The following PCDHA6 variants were observed in gnomAD, a reference collection of about 807,000 sequenced individuals.
PCDHA6 encodes the protein protocadherin alpha-6.
PCDHA6 carries 55 observed loss-of-function variants against 60.3 expected under a neutral mutation model. That is an observed-to-expected ratio of 0.91 (90% CI 0.73 to 1.14). The LOEUF is 1.14. Ranked by LOEUF, PCDHA6 falls within the 50% of genes most tolerant of loss-of-function variation. The pLI, the probability that PCDHA6 is intolerant of heterozygous loss-of-function variation, is 0.00. For missense variants in PCDHA6, 1,327 were observed against 1,256.5 expected (o/e 1.06, Z -0.85); for synonymous variants, 652 against 557.9 (o/e 1.17, Z -2.38).
At position 140,836,487 on chromosome 5, in the gene PCDHA6, A is replaced by G. The variant is rs1774512813; in HGVS notation, c.2394+6002A>G. On this transcript the variant is annotated intron_variant, in intron 1 of 3. Transcript: ENST00000529310. The stretch of plus-strand genomic sequence containing the variant: ...GGTGGATGTCAACGTGTACCTGATC[A>G]TCGCCATCTGCGCGGTGTCCAGTCT... 1 of 1,613,880 alleles carries G rather than the reference A, an allele frequency of 6.2e-7. No individual in the cohort carries two copies. The highest frequency in any genetic ancestry group is 8.5e-7 in the Non-Finnish European group (1 of 1,179,854).
chr5:140,870,358 G>A (rs201159213), intron 1 of PCDHA6: 4 of 1,614,098 alleles, frequency 2.5e-6, no homozygotes, highest in Non-Finnish European at 3.4e-6. Context: ...GAACGTGTGG[G>A]CCTATGAACT....
In PCDHA6 at chr5:140,858,166, C is replaced by T. The variant is rs781812057; in HGVS notation, c.2394+27681C>T. 1.9e-6 allele frequency: 3 copies of T among 1,597,908 alleles called. 1 individual carries two copies. The South Asian group carries it at 3.3e-5, about 18-fold the overall frequency. On this transcript the variant is annotated intron_variant, in intron 1 of 3. Transcript: ENST00000529310. ...TGATCATCGCCATCTGCGCGGTGTC[C>T]AGCTTGCTGGTGCTCACGCTGCTGC...
intron 1 of PCDHA6, among the ~76,000 whole-genome samples, chr5:140,947,415 G>C (rs116670354): frequency 0.021 from 3,167 of 151,674 alleles, 64 homozygotes; most frequent in Admixed American, 0.045. Flanking sequence ...TGATATTGTA[G>C]CTTTATAAAT....
chr5:140,959,696 G>A (rs1344206142), intron 1 of PCDHA6, among the ~76,000 whole-genome samples: 1 of 152,098 alleles, frequency 6.6e-6, no homozygotes, highest in Non-Finnish European at 1.5e-5. Flanking sequence ...AATAAAATGA[G>A]CTTTGAAAGG....
rs1316774875 is a variant in PCDHA6 at position 140,883,076 on chromosome 5, G to T, written c.2394+52591G>T. The T allele has an allele frequency of 3.1e-6, 5 of 1,614,032 alleles. No homozygotes were observed. Among genetic ancestry groups the T allele is most frequent in the Middle Eastern group, 1.6e-4 (1 of 6,084 alleles). On this transcript the variant is annotated intron_variant, in intron 1 of 3. Transcript: ENST00000529310. ...GATCAAGCTAAATGCCACAGATCCT[G>T]ATGATGGTACAAATGGAGATATAGT...
chr5:140,892,826 C>T (rs1554185388), intron 1 of PCDHA6, among the ~76,000 whole-genome samples: 1 of 152,166 alleles, frequency 6.6e-6, no homozygotes, highest in Non-Finnish European at 1.5e-5. Flanking sequence ...TACAGTGCTA[C>T]AGTGCTGCAA....
Position 140,978,948 on chromosome 5 carries a change from G to A in PCDHA6, c.2395-1G>A, listed in dbSNP as rs1554239939. On this transcript the variant is annotated splice_acceptor_variant, in intron 1 of 3. Transcript: ENST00000529310. LOFTEE classifies it high-confidence loss of function. ...AGAAAACTCTCTTTGTGATTTTGCA[G>A]CCACGACAGCCCAACCCTGACTGGC... is the stretch of plus-strand genomic sequence containing the variant. 1 of 1,614,128 alleles carries A rather than the reference G, an allele frequency of 6.2e-7. No individual in the cohort carries two copies. The highest frequency in any genetic ancestry group is 8.5e-7 in the Non-Finnish European group (1 of 1,180,018).
At chr5:140,859,469 A>G in intron 1 of PCDHA6, 1 of 211,582 alleles carries the variant, frequency 4.7e-6, no homozygotes, top group Non-Finnish European at 9.2e-6. Context: ...CTACACTATC[A>G]ATTGTGTTTT....
intron 1 of PCDHA6, among the ~76,000 whole-genome samples, chr5:140,914,027 T>C (rs188298966): frequency 6.6e-6 from 1 of 152,186 alleles, no homozygotes; most frequent in Non-Finnish European, 1.5e-5. Context: ...ATCCACGTGC[T>C]GAGAAGAATG....
rs146492633 is a variant in PCDHA6 at position 140,900,696 on chromosome 5, G to A, written c.2394+70211G>A. Among the ~76,000 whole-genome samples the A allele has an allele frequency of 2.2e-4, 33 of 152,256 alleles. No homozygotes were observed. The East Asian group carries it at 5.8e-3, about 27-fold the overall frequency. ...TTATCTCTTCAATATACTGATTTCC[G>A]TTCTTTTGGAAAGAAAGGAAATCCT... is the stretch of plus-strand genomic sequence containing the variant. On this transcript the variant is annotated intron_variant, in intron 1 of 3. Transcript: ENST00000529310.
In PCDHA6 at chr5:140,849,868, C is replaced by T. The variant is rs1554143431; in HGVS notation, c.2394+19383C>T. 16 of 1,598,490 alleles carry T rather than the reference C, an allele frequency of 1.0e-5. 1 individual carries two copies. In the Middle Eastern group the frequency reaches 6.8e-4, roughly 68 times the overall value. On this transcript the variant is annotated intron_variant, in intron 1 of 3. Transcript: ENST00000529310. ...GACAACGCACCAGCGTTCGCGCAGT[C>T]CGAGTACACGGTGTTCGTGAAGGAG...
At chr5:140,996,590 C>G (rs1325471388) in intron 3 of PCDHA6, among the ~76,000 whole-genome samples, 7 of 152,096 alleles carry the variant, frequency 4.6e-5, no homozygotes, top group African/African-American at 1.7e-4. Context: ...CAAGGGCCGC[C>G]TCCCCCCATT....
intron 1 of PCDHA6, chr5:140,966,656 G>A: frequency 8.3e-7 from 1 of 1,203,372 alleles, no homozygotes; most frequent in East Asian, 3.0e-5. Flanking sequence ...GTGAGCGGTG[G>A]GGGAGCAGGC....
In PCDHA6 at chr5:140,981,033, G is replaced by GA. The variant is rs148859655; in HGVS notation, c.2454-1434dup. ...CACTTGAAGGCTGTTAATATTTGGG[G>GA]AAAAAAAACAGATAATTCTAGAGTG... On this transcript the variant is annotated intron_variant, in intron 2 of 3. Transcript: ENST00000529310. 8.2e-3 allele frequency among the ~76,000 whole-genome samples: 1,241 copies of GA among 151,610 alleles called. 19 individuals are homozygous for GA. Among genetic ancestry groups the GA allele is most frequent in the African/African-American group, 0.027 (1,115 of 41,338 alleles).
chr5:140,889,329 T>C (rs1554183865), intron 1 of PCDHA6, among the ~76,000 whole-genome samples: 2 of 152,090 alleles, frequency 1.3e-5, no homozygotes, highest in Admixed American at 6.5e-5. Context: ...GTATCAGGAT[T>C]TTGATTGGTG....
rs181382577 is a variant in PCDHA6 at position 140,851,207 on chromosome 5, A to G, written c.2394+20722A>G. 3,689 of 1,174,684 alleles carry G rather than the reference A, an allele frequency of 3.1e-3. 213 individuals carry two copies. The highest frequency in any genetic ancestry group is 3.6e-3 in the Non-Finnish European group (3,326 of 916,620). The allele number at this position is 1,174,684 out of a possible 1,614,324, so 72.8% of individuals were successfully genotyped here. On this transcript the variant is annotated intron_variant, in intron 1 of 3. Transcript: ENST00000529310. The stretch of plus-strand genomic sequence containing the variant: ...CCAATTTAGTTGTTAGTCATTCATT[A>G]AACATTAACATCACTATCATTTATT...
intron 1 of PCDHA6, chr5:140,884,795 T>C: frequency 7.8e-7 from 1 of 1,280,270 alleles, no homozygotes; most frequent in South Asian, 1.7e-5. Context: ...TGTTATCGAA[T>C]TTAACAACTC....
In PCDHA6 at chr5:140,856,229, C is replaced by T. The variant is rs17844338; in HGVS notation, c.2394+25744C>T. On this transcript the variant is annotated intron_variant, in intron 1 of 3. Transcript: ENST00000529310. ...GCTGGAGCTGGCGGAGCTGGTGCAG[C>T]GCCTGTTCCGGGTGGCGTCCAAAAG... 5 of 1,597,818 alleles carry T rather than the reference C, an allele frequency of 3.1e-6. No homozygotes were observed. The South Asian group carries it at 4.4e-5, about 14-fold the overall frequency.
chr5:140,876,118 G>A (rs2153337008), intron 1 of PCDHA6: 1 of 1,613,926 alleles, frequency 6.2e-7, no homozygotes, highest in South Asian at 1.1e-5. Flanking sequence ...GATGGTAATC[G>A]ATGGCGGTAA....
Sources: allele counts gnomAD v4.1 joint callset (sites outside exome capture counted in the v4.1 genomes callset), GRCh38; gene constraint gnomAD v4.1.1; transcripts MANE v1.5; gene names NCBI Gene and HGNC (gene_info 2026-07-23, HGNC 2026-07-21).